The following FBXO11 variants were observed in gnomAD, a reference collection of about 807,000 sequenced individuals.
FBXO11 encodes the protein F-box protein 11.
In FBXO11, 13 loss-of-function variants were observed where a neutral mutation model predicts 117.0. The ratio of observed to expected loss-of-function variants is 0.11; its 90% CI spans 0.07 to 0.18. The LOEUF (loss-of-function observed/expected upper bound fraction) is 0.18. Among genes scored for constraint, FBXO11 ranks in the 10% least tolerant of loss-of-function variants. The pLI, the probability that FBXO11 is intolerant of heterozygous loss-of-function variation, is 1.00. For synonymous variants in FBXO11, 490 were observed against 380.5 expected, an observed-to-expected ratio of 1.29 and a Z score of -3.35; for missense variants, 767 against 1,164.4, an observed-to-expected ratio of 0.66 and a Z score of 4.97.
In FBXO11 at chr2:47,867,368, G is replaced by C. The variant is rs975969333; in HGVS notation, c.233-27599C>G. On this transcript the variant is annotated intron_variant, in intron 1 of 22. Coordinates refer to ENST00000403359, the MANE Select transcript of FBXO11 (RefSeq NM_001190274.2). The stretch of plus-strand genomic sequence containing the variant: ...GCTAGTTGCAGCAGCAGAAATAAAA[G>C]AGAGTTCTGGAAGTTCTCATACTGG... Among the ~76,000 whole-genome samples the C allele has an allele frequency of 1.3e-5, 2 of 152,210 alleles. 1 individual carries two copies. Among genetic ancestry groups the C allele is most frequent in the South Asian group, 4.1e-4 (2 of 4,824 alleles).
chr2:47,868,732 A>T (rs1366211675), intron 1 of FBXO11, among the ~76,000 whole-genome samples: 1 of 152,200 alleles, frequency 6.6e-6, no homozygotes, highest in Non-Finnish European at 1.5e-5. Context: ...TGATTTGGCT[A>T]TGGCTGCTGT....
chr2:47,850,594 T>C (rs565392368), intron 1 of FBXO11, among the ~76,000 whole-genome samples: 1 of 152,178 alleles, frequency 6.6e-6, no homozygotes, highest in Non-Finnish European at 1.5e-5. Flanking sequence ...AACAATACTC[T>C]ATATAGAAAA....
intron 18 of FBXO11, 40 bp from the exon 19 acceptor site, chr2:47,810,466 T>C (rs1670535566): frequency 7.0e-6 from 9 of 1,281,832 alleles, no homozygotes; most frequent in Non-Finnish European, 9.9e-6. Context: ...CTAATGCATA[T>C]AACAGACTAC....
intron 16 of FBXO11, among the ~76,000 whole-genome samples, chr2:47,814,799 T>C (rs565250805): frequency 6.6e-6 from 1 of 152,372 alleles, no homozygotes; most frequent in African/African-American, 2.4e-5. Flanking sequence ...GTAGAATTTC[T>C]TTCAAAATTG....
At chr2:47,863,674 G>A (rs949080121) in intron 1 of FBXO11, among the ~76,000 whole-genome samples, 4 of 152,160 alleles carry the variant, frequency 2.6e-5, no homozygotes, top group East Asian at 1.9e-4. Flanking sequence ...CACAAAGGCC[G>A]GGTGCGGTGG....
intron 1 of FBXO11, among the ~76,000 whole-genome samples, chr2:47,899,425 T>C (rs191853594): frequency 1.3e-5 from 2 of 152,308 alleles, no homozygotes; most frequent in African/African-American, 4.8e-5. Flanking sequence ...AAAAGACCTA[T>C]CATTTATTAA....
rs1156753774 is a variant in FBXO11, at chr2:47,883,776, G to C, written c.232+21713C>G. On this transcript the variant is annotated intron_variant, in intron 1 of 22. Transcript: ENST00000403359. ...TCCTTAAATACCATAAGGTGTATGA[G>C]AATGGTAAAATTAGTCGCCTTAGTC... 21 of 236,858 alleles carry C rather than the reference G, an allele frequency of 8.9e-5. No individual in the cohort carries two copies. The South Asian group carries it at 1.3e-3, about 15-fold the overall frequency. The allele number at this position is 236,858 out of a possible 1,614,324, so 14.7% of individuals were successfully genotyped here. A position where few individuals can be genotyped will look rare whatever the true frequency, so the allele number is the denominator to read the frequency against.
At chr2:47,811,586 T>A (rs1415723711) in intron 18 of FBXO11, 2 of 152,254 alleles carry the variant, frequency 1.3e-5, no homozygotes, top group African/African-American at 4.8e-5. Context: ...ATAACCAATT[T>A]GGATATTCCA....
At position 47,847,935 on chromosome 2, in the gene FBXO11, T is replaced by TAAC. The variant is rs1228401986; in HGVS notation, c.233-8169_233-8167dup. ...GTCAGGAGATTGAGACCATCCTGGC[T>TAAC]AACACGGTGAAACCCCATCTCTACT... On this transcript the variant is annotated intron_variant, in intron 1 of 22. Coordinates refer to ENST00000403359, the MANE Select transcript of FBXO11 (RefSeq NM_001190274.2). Among the ~76,000 whole-genome samples the TAAC allele has an allele frequency of 2.0e-5, 3 of 151,866 alleles. No homozygotes were observed. In the East Asian group the frequency reaches 5.8e-4, roughly 30 times the overall value.
chr2:47,842,058 C>T (rs561393773), intron 1 of FBXO11, among the ~76,000 whole-genome samples: 1 of 151,776 alleles, frequency 6.6e-6, no homozygotes, highest in Non-Finnish European at 1.5e-5. Flanking sequence ...CCCTGTTGCC[C>T]AGGCTGGAGT....
intron 1 of FBXO11, among the ~76,000 whole-genome samples, chr2:47,896,321 G>GTTTCT (rs199614860): frequency 0.077 from 10,887 of 142,104 alleles, 490 homozygotes; most frequent in African/African-American, 0.12. Flanking sequence ...TCTCCAAATT[G>GTTTCT]TTTCTTTTCT....
At chr2:47,840,194 C>T (rs747580631) in intron 1 of FBXO11, among the ~76,000 whole-genome samples, 27 of 152,124 alleles carry the variant, frequency 1.8e-4, no homozygotes, top group South Asian at 4.1e-4. Context: ...CCACTCACCT[C>T]GGCCTCCCAA....
At chr2:47,837,249 G>T (rs956711931) in intron 4 of FBXO11, among the ~76,000 whole-genome samples, 2 of 152,170 alleles carry the variant, frequency 1.3e-5, no homozygotes, top group East Asian at 3.9e-4. Flanking sequence ...GGTGTGGGCC[G>T]GGCACAGTGG....
At chr2:47,822,189 A>C (rs774137967) in intron 13 of FBXO11, 29 bp downstream of exon 13, 2 of 1,439,334 alleles carry the variant, frequency 1.4e-6, no homozygotes. Flanking sequence ...CAAATCTATA[A>C]GTTTTATAGA....
chr2:47,847,002 T>C lies in FBXO11; in HGVS notation c.233-7233A>G, dbSNP rs966726645. Among the ~76,000 whole-genome samples the C allele has an allele frequency of 1.1e-4, 16 of 152,302 alleles. No homozygotes were observed. The South Asian group carries it at 2.9e-3, about 28-fold the overall frequency. Reference sequence around the variant, plus strand: ...GCTCACATCTGTAATCCCTGCACTTTAGGAGGCCAAGGAGGCACTTCATCT... The same window carrying C: ...GCTCACATCTGTAATCCCTGCACTTCAGGAGGCCAAGGAGGCACTTCATCT... On this transcript the variant is annotated intron_variant, in intron 1 of 22. Coordinates refer to ENST00000403359, the MANE Select transcript of FBXO11 (RefSeq NM_001190274.2).
At chr2:47,845,694 C>G (rs952625438) in intron 1 of FBXO11, among the ~76,000 whole-genome samples, 4 of 152,142 alleles carry the variant, frequency 2.6e-5, no homozygotes, top group Admixed American at 1.3e-4. Context: ...ATTTCCCTAA[C>G]AAAATTATAA....
At chr2:47,813,097 A>T in intron 18 of FBXO11, 137 bp downstream of exon 18, 1 of 923,744 alleles carries the variant, frequency 1.1e-6, no homozygotes, top group Non-Finnish European at 1.8e-6. Context: ...TAATCTCCTA[A>T]ACCAGTTCAA....
At chr2:47,860,843 A>ATTT (rs34675496) in intron 1 of FBXO11, among the ~76,000 whole-genome samples, 5 of 104,220 alleles carry the variant, frequency 4.8e-5, no homozygotes, top group African/African-American at 8.3e-5. Flanking sequence ...GTTTTCCCCT[A>ATTT]TTTTTTTTTT....
chr2:47,820,955 ATTGT>A (rs1273106466), intron 13 of FBXO11, among the ~76,000 whole-genome samples: 1 of 152,216 alleles, frequency 6.6e-6, no homozygotes, highest in Non-Finnish European at 1.5e-5. Flanking sequence ...ATATCTACTG[ATTGT>A]TTGCTGATTT....
Sources: allele counts gnomAD v4.1 joint callset (sites outside exome capture counted in the v4.1 genomes callset), GRCh38; gene constraint gnomAD v4.1.1; transcripts MANE v1.5; gene names NCBI Gene and HGNC (gene_info 2026-07-23, HGNC 2026-07-21).